Variants in ANO5 observed in about 807,000 individuals in gnomAD.
The protein encoded by ANO5 is anoctamin 5, also known as anoctamin-5.
A neutral mutation model predicts 121.0 loss-of-function variants in ANO5; 109 were observed. The observed-to-expected ratio is 0.90, with a 90% CI of 0.77 to 1.06. The LOEUF is 1.06. ANO5 is among the 50% of genes least tolerant of loss of function. The pLI, the probability that ANO5 is intolerant of heterozygous loss-of-function variation, is 0.00. For missense variants in ANO5, 1,064 were observed against 1,078.5 expected, an observed-to-expected ratio of 0.99 and a Z score of 0.19; for synonymous variants, 406 against 359.9, an observed-to-expected ratio of 1.13 and a Z score of -1.45.
At chr11:22,194,017 G>C (rs953017235) in intron 1 of ANO5, among the ~76,000 whole-genome samples, 2 of 152,184 alleles carry the variant, frequency 1.3e-5, no homozygotes, top group African/African-American at 2.4e-5. Flanking sequence ...ATCATGCTTT[G>C]AGATGCTTGT....
rs149627067 is a variant in ANO5, at chr11:22,211,305, A to G, written c.129A>G (p.Glu43=). The G allele has an allele frequency of 9.3e-5, 150 of 1,612,130 alleles. No individual in the cohort carries two copies. The highest frequency in any genetic ancestry group is 1.3e-4 in the Non-Finnish European group (148 of 1,178,682). The part of the protein sequence containing the change: ...SSRETSFLIN[E]ETMPAKRFNL... ...GAGAGACCAGCTTTCTCATCAATGA[A>G]GAAACAATGGTAAGCAGCGACCAGT... Residue 43 remains glutamate, a synonymous_variant, in exon 3 of 22, where the codon GAA becomes GAG. Transcript: ENST00000324559.
chr11:22,210,041 T>C (rs1157803879), intron 2 of ANO5, among the ~76,000 whole-genome samples: 1 of 151,982 alleles, frequency 6.6e-6, no homozygotes, highest in African/African-American at 2.4e-5. Context: ...TCACTTCATT[T>C]GCTATCTGTT....
At chr11:22,220,975 C>A (rs1852623804) in intron 4 of ANO5, 122 bp from the exon 5 acceptor site, 2 of 704,906 alleles carry the variant, frequency 2.8e-6, no homozygotes, top group Non-Finnish European at 4.9e-6. Context: ...AAAGCATAAT[C>A]TGTTGCTGAA....
At chr11:22,250,434 T>A in intron 10 of ANO5, 63 bp downstream of exon 10, 1 of 1,593,662 alleles carries the variant, frequency 6.3e-7, no homozygotes, top group East Asian at 2.2e-5. Context: ...ATGAAGTTGT[T>A]GTTATTATTT....
chr11:22,279,301 A>G (rs750020114), intron 21 of ANO5, among the ~76,000 whole-genome samples: 22 of 151,860 alleles, frequency 1.4e-4, no homozygotes, highest in Non-Finnish European at 3.1e-4. Context: ...GAGCAGTGAT[A>G]AAGAGTATAT....
intron 7 of ANO5, among the ~76,000 whole-genome samples, chr11:22,233,873 A>C (rs1853125641): frequency 6.6e-6 from 1 of 151,930 alleles, no homozygotes; most frequent in Non-Finnish European, 1.5e-5. Flanking sequence ...CCCCCAAAAA[A>C]CTGTTGCCAT....
In ANO5 at chr11:22,262,195, T is replaced by C; in HGVS notation, c.1697T>C (p.Val566Ala). Residue 566 changes from valine to alanine, a missense_variant, in exon 16 of 22, where the codon GTA becomes GCA. Physicochemically the swap from Val to Ala is moderately conservative, Grantham distance 64. Transcript: ENST00000324559. Reference protein sequence around the residue: ...LTLKMFLFQFVNFYSSCFYVA... With the variant: ...LTLKMFLFQFANFYSSCFYVA... Reference sequence around the variant, plus strand: ...TTGAAAATGTTCCTGTTTCAGTTTGTAAATTTTTACTCATCCTGCTTCTAC... The same window carrying C: ...TTGAAAATGTTCCTGTTTCAGTTTGCAAATTTTTACTCATCCTGCTTCTAC... 6.2e-7 allele frequency: 1 copy of C among 1,614,026 alleles called. No individual in the cohort carries two copies. Among genetic ancestry groups the C allele is most frequent in the Non-Finnish European group, 8.5e-7 (1 of 1,179,956 alleles).
chr11:22,270,581 A>T, intron 18 of ANO5, 139 bp downstream of exon 18: 1 of 1,267,844 alleles, frequency 7.9e-7, no homozygotes, highest in Non-Finnish European at 1.1e-6. Flanking sequence ...GAGTGGAGGG[A>T]TATAAAGAAA....
intron 12 of ANO5, 137 bp from the exon 13 acceptor site, chr11:22,255,234 T>A (rs192221322): frequency 1.6e-6 from 1 of 630,396 alleles, no homozygotes; most frequent in Admixed American, 3.2e-5. Context: ...TTGATGAAGT[T>A]TTAATCAAAC....
At chr11:22,279,403 A>G in intron 21 of ANO5, 141 bp from the exon 22 acceptor site, 1 of 692,408 alleles carries the variant, frequency 1.4e-6, no homozygotes, top group East Asian at 2.7e-5. Context: ...AAGTTCTAGG[A>G]CAGAGACCAT....
intron 7 of ANO5, among the ~76,000 whole-genome samples, chr11:22,230,049 ATGTT>A (rs1026477322): frequency 7.8e-4 from 119 of 152,092 alleles, no homozygotes; most frequent in Middle Eastern, 3.4e-3. Context: ...TATATGTGAT[ATGTT>A]TGTTTATATA....
intron 6 of ANO5, among the ~76,000 whole-genome samples, chr11:22,226,746 T>C (rs1852847413): frequency 6.6e-6 from 1 of 152,068 alleles, no homozygotes; most frequent in African/African-American, 2.4e-5. Flanking sequence ...CATTACTCTC[T>C]AGTTCTCCCA....
chr11:22,253,161 C>G (rs1853883141), intron 12 of ANO5, among the ~76,000 whole-genome samples: 1 of 152,036 alleles, frequency 6.6e-6, no homozygotes, highest in African/African-American at 2.4e-5. Flanking sequence ...AGGCCCAAAC[C>G]AAGGGTCCCT....
intron 16 of ANO5, 100 bp downstream of exon 16, chr11:22,262,398 A>G: frequency 7.8e-7 from 1 of 1,290,012 alleles, no homozygotes; most frequent in Admixed American, 1.9e-5. Flanking sequence ...AAAATTACAA[A>G]ATATATCTAG....
Position 22,274,639 on chromosome 11 carries a change from C to G in ANO5, c.2306C>G (p.Ala769Gly), listed in dbSNP as rs542510120. Residue 769 changes from alanine to glycine, a missense_variant, in exon 20 of 22, where the codon GCC becomes GGC. By Grantham distance (60) the Ala-to-Gly change is moderately conservative (BLOSUM62 0). Transcript: ENST00000324559. The part of the protein sequence containing the change: ...LVYYYAYSTN[A>G]TQPMTGYVNN... ...TACTACTATGCTTACTCAACAAATGCCACACAGCCTATGACAGGATATGTG... is the reference window on the plus strand; with the variant it reads ...TACTACTATGCTTACTCAACAAATGGCACACAGCCTATGACAGGATATGTG... 6.2e-7 allele frequency: 1 copy of G among 1,613,328 alleles called. No homozygotes were observed.
chr11:22,195,024 G>T (rs1288313804), intron 1 of ANO5, among the ~76,000 whole-genome samples: 2 of 152,044 alleles, frequency 1.3e-5, no homozygotes, highest in East Asian at 3.9e-4. Context: ...TGTTTTCCAG[G>T]CATCTGCATG....
chr11:22,270,540 A>C (rs751625864), intron 18 of ANO5, 98 bp downstream of exon 18: 257 of 1,553,052 alleles, frequency 1.7e-4, no homozygotes, highest in Non-Finnish European at 2.1e-4. Flanking sequence ...GTAGGTGTTC[A>C]ATAAATCTTT....
At chr11:22,202,534 G>T (rs1406382874) in intron 1 of ANO5, among the ~76,000 whole-genome samples, 1 of 152,032 alleles carries the variant, frequency 6.6e-6, no homozygotes, top group Non-Finnish European at 1.5e-5. Context: ...ATTTCTCACA[G>T]TTCTGGGTGC....
intron 18 of ANO5, 112 bp downstream of exon 18, chr11:22,270,554 T>C (rs1854572185): frequency 6.7e-7 from 1 of 1,497,712 alleles, no homozygotes; most frequent in Non-Finnish European, 9.1e-7. Context: ...AATCTTTGAC[T>C]GGTTGGCAAA....
Sources: gnomAD v4.1 joint callset for allele counts (sites outside exome capture counted in the v4.1 genomes callset) on GRCh38, gnomAD v4.1.1 for gene constraint, MANE v1.5 for transcripts, NCBI Gene and HGNC (gene_info 2026-07-23, HGNC 2026-07-21) for gene names.